Variants in TAF1 observed in about 807,000 individuals in gnomAD.
TAF1 encodes the protein transcription initiation factor TFIID subunit 1.
TAF1 carries 2 observed loss-of-function variants against 138.5 expected under a neutral mutation model. The ratio of observed to expected loss-of-function variants is 0.01; its 90% CI spans 0.01 to 0.05. The LOEUF is 0.05. Among genes scored for constraint, TAF1 ranks in the 10% least tolerant of loss-of-function variants. The probability of loss-of-function intolerance (pLI) is 1.00; values close to 1 mark genes in which losing one functional copy is unlikely to be tolerated. For missense variants in TAF1, 709 were observed against 1,478.0 expected, an observed-to-expected ratio of 0.48 and a Z score of 8.53; for synonymous variants, 437 against 503.2, an observed-to-expected ratio of 0.87 and a Z score of 1.76.
chrX:71,442,034 A>G (rs1270018033), intron 32 of TAF1, among the ~76,000 whole-genome samples: 1 of 111,418 alleles, frequency 9.0e-6, no homozygotes, highest in Non-Finnish European at 1.9e-5. Flanking sequence ...TCCATGGTGT[A>G]TATGTGCCAC....
chrX:71,366,622 C>T, intron 1 of TAF1, 128 bp downstream of exon 1: 1 of 710,274 alleles, frequency 1.4e-6, no homozygotes, highest in Non-Finnish European at 2.0e-6. Context: ...GAGGAGGATC[C>T]CGTCCTCATG....
intron 37 of TAF1, among the ~76,000 whole-genome samples, chrX:71,463,223 A>T (rs187989477): frequency 6.4e-4 from 72 of 111,802 alleles, no homozygotes; most frequent in Non-Finnish European, 1.1e-3. Context: ...TGATTTTTTT[A>T]AATTTTTTTC....
chrX:71,443,483 A>T (rs2037532088), intron 32 of TAF1, among the ~76,000 whole-genome samples: 1 of 111,106 alleles, frequency 9.0e-6, no homozygotes, highest in Non-Finnish European at 1.9e-5. Context: ...GGTGTATAGG[A>T]ATGCTTGTGA....
intron 13 of TAF1, among the ~76,000 whole-genome samples, chrX:71,475,510 G>A (rs777268994): frequency 6.5e-5 from 7 of 107,162 alleles, no homozygotes; most frequent in Non-Finnish European, 1.2e-4. Context: ...ACTTGAGCCC[G>A]GGAGGTAGAG....
At chrX:71,407,940 T>C (rs910799220) in intron 27 of TAF1, 34 bp from the exon 28 acceptor site, 16 of 1,186,111 alleles carry the variant, frequency 1.3e-5, no homozygotes, top group African/African-American at 3.6e-5. Flanking sequence ...GCAACTGTTA[T>C]TTGCTGATGT....
chrX:71,403,409 CTGTT>C (rs1311709492), intron 25 of TAF1, among the ~76,000 whole-genome samples: 1 of 111,181 alleles, frequency 9.0e-6, no homozygotes, highest in Non-Finnish European at 1.9e-5. Flanking sequence ...CTGGAATTGT[CTGTT>C]CTCTCATTGA....
chrX:71,515,288 G>A (rs780626239), intron 13 of TAF1, among the ~76,000 whole-genome samples: 6 of 111,019 alleles, frequency 5.4e-5, no homozygotes, highest in Non-Finnish European at 7.5e-5. Flanking sequence ...TGCAATGTGA[G>A]GCCTGGTAGG....
chrX:71,421,487 A>AG, intron 29 of TAF1, 111 bp downstream of exon 29: 2 of 633,053 alleles, frequency 3.2e-6, no homozygotes, highest in Non-Finnish European at 4.9e-6. Context: ...CGGGAGTAGC[A>AG]GATCTTTAGT....
intron 9 of TAF1, 135 bp from the exon 10 acceptor site, chrX:71,382,396 TGGGGG>T: frequency 1.4e-6 from 1 of 727,980 alleles, no homozygotes; most frequent in Non-Finnish European, 1.9e-6. Flanking sequence ...AGAAGTTACC[TGGGGG>T]GGGGTGGGAT....
chrX:71,433,550 A>G (rs1220129876), intron 32 of TAF1, among the ~76,000 whole-genome samples: 1 of 111,292 alleles, frequency 9.0e-6, no homozygotes, highest in East Asian at 2.8e-4. Context: ...TCCTAAGGAA[A>G]TGAGTATCCA....
intron 13 of TAF1, among the ~76,000 whole-genome samples, chrX:71,480,986 G>A (rs776042010): frequency 8.9e-6 from 1 of 112,299 alleles, no homozygotes; most frequent in South Asian, 3.7e-4. Context: ...GTTTAGAGAA[G>A]GGACAGGATG....
At position 71,459,558 on chromosome X, in the gene TAF1, G is replaced by A. The variant is rs1415096968; in HGVS notation, c.5071G>A (p.Glu1691Lys). 8.3e-7 allele frequency: 1 copy of A among 1,208,600 alleles called. No homozygotes were observed. Among genetic ancestry groups the A allele is most frequent in the Non-Finnish European group, 1.1e-6 (1 of 894,895 alleles). Residue 1691 changes from glutamate to lysine, a missense_variant, in exon 36 of 38, where the codon GAA becomes AAA. By Grantham distance (56) the Glu-to-Lys change is moderately conservative. Coordinates refer to ENST00000423759, the MANE Select transcript of TAF1 (RefSeq NM_004606.5). ...CCCAACTGGTCTCATTCAGGAAGGT[G>A]AAGATGGAGATGGTGATCTTGCAGA... ...TPEKQVTQEG[E>K]DGDGDLADEE...
intron 28 of TAF1, among the ~76,000 whole-genome samples, chrX:71,419,585 G>A (rs752189950): frequency 9.0e-6 from 1 of 111,002 alleles, no homozygotes; most frequent in South Asian, 3.9e-4. Flanking sequence ...TGGAGGGGCA[G>A]GGAGCCGGAG....
intron 14 of TAF1, 78 bp downstream of exon 14, chrX:71,385,127 T>G: frequency 1.4e-6 from 1 of 732,514 alleles, no homozygotes; most frequent in Non-Finnish European, 2.0e-6. Context: ...GAAAGAACTA[T>G]TATAATTCTA....
At chrX:71,426,010 A>T (rs1027959003) in intron 32 of TAF1, among the ~76,000 whole-genome samples, 1 of 110,181 alleles carries the variant, frequency 9.1e-6, no homozygotes, top group African/African-American at 3.3e-5. Flanking sequence ...CTGTGATCCT[A>T]GTACCTTGGG....
intron 13 of TAF1, among the ~76,000 whole-genome samples, chrX:71,473,354 C>T (rs749269276): frequency 9.1e-6 from 1 of 110,383 alleles, no homozygotes; most frequent in Non-Finnish European, 1.9e-5. Context: ...GAGGATATTC[C>T]AGACAGATAG....
intron 8 of TAF1, 55 bp from the exon 9 acceptor site, chrX:71,381,688 T>C: frequency 8.7e-7 from 1 of 1,146,343 alleles, no homozygotes; most frequent in East Asian, 3.0e-5. Flanking sequence ...GAATCTTGAT[T>C]GAAAGGGGCA....
At chrX:71,493,718 C>T (rs1266183827) in intron 13 of TAF1, among the ~76,000 whole-genome samples, 2 of 112,241 alleles carry the variant, frequency 1.8e-5, no homozygotes, top group Non-Finnish European at 3.8e-5. Context: ...AGCAGTGGCT[C>T]ATGCCTGTAA....
At chrX:71,444,228 G>A (rs2037573080) in intron 32 of TAF1, among the ~76,000 whole-genome samples, 1 of 111,696 alleles carries the variant, frequency 9.0e-6, no homozygotes, top group African/African-American at 3.3e-5. Context: ...GACTGGTCTC[G>A]AACTTCTGAC....
Sources: allele counts gnomAD v4.1 joint callset (sites outside exome capture counted in the v4.1 genomes callset), GRCh38; gene constraint gnomAD v4.1.1; transcripts MANE v1.5; gene names NCBI Gene and HGNC (gene_info 2026-07-23, HGNC 2026-07-21).